The following PLEKHG1 variants were observed in gnomAD, a reference collection of about 807,000 sequenced individuals.
The protein encoded by PLEKHG1 is pleckstrin homology domain-containing family G member 1.
In PLEKHG1, 44 loss-of-function variants were observed where a neutral mutation model predicts 100.8. That is an observed-to-expected ratio of 0.44 (90% confidence interval 0.34 to 0.56). The LOEUF (loss-of-function observed/expected upper bound fraction) is 0.56. Among genes scored for constraint, PLEKHG1 ranks in the 20% least tolerant of loss-of-function variants. The pLI, the probability that PLEKHG1 is intolerant of heterozygous loss-of-function variation, is 0.01. For missense variants in PLEKHG1, 1,545 were observed against 1,720.9 expected, an observed-to-expected ratio of 0.90 and a Z score of 1.81; for synonymous variants, 640 against 662.5, an observed-to-expected ratio of 0.97 and a Z score of 0.52.
At chr6:150,808,785 A>G (rs1007274030) in intron 7 of PLEKHG1, among the ~76,000 whole-genome samples, 1 of 152,098 alleles carries the variant, frequency 6.6e-6, no homozygotes, top group Non-Finnish European at 1.5e-5. Context: ...AAATCAAGGG[A>G]AAGAGGCCAT....
chr6:150,706,998 C>CTTTTTTTTTT, intron 3 of PLEKHG1, among the ~76,000 whole-genome samples: 1 of 51,928 alleles, frequency 1.9e-5, no homozygotes, highest in East Asian at 6.7e-4. Context: ...TTTTCTTTTT[C>CTTTTTTTTTT]TTTTTTTTTT....
chr6:150,759,661 A>G (rs992464284), intron 2 of PLEKHG1, among the ~76,000 whole-genome samples: 2 of 152,154 alleles, frequency 1.3e-5, no homozygotes, highest in South Asian at 2.1e-4. Flanking sequence ...AAATGAGAGA[A>G]TGCATATAAA....
intron 3 of PLEKHG1, among the ~76,000 whole-genome samples, chr6:150,776,000 C>T (rs1784939585): frequency 6.6e-6 from 1 of 152,114 alleles, no homozygotes. Flanking sequence ...AAGTGCTGCT[C>T]AGACCGGAAG....
chr6:150,745,801 C>A (rs570271169), intron 2 of PLEKHG1, among the ~76,000 whole-genome samples: 6 of 151,920 alleles, frequency 3.9e-5, no homozygotes, highest in Non-Finnish European at 8.8e-5. Flanking sequence ...TAGTTTTATA[C>A]ATGACAAATG....
chr6:150,804,850 C>G, intron 7 of PLEKHG1, 109 bp downstream of exon 8: 3 of 958,812 alleles, frequency 3.1e-6, no homozygotes, highest in Non-Finnish European at 4.6e-6. Context: ...TCATCATCTT[C>G]AGTGTAGTTC....
At position 150,756,315 on chromosome 6, in the gene PLEKHG1, T is replaced by C. The variant is rs575891330; in HGVS notation, c.412-12323T>C. On this transcript the variant is annotated intron_variant, in intron 2 of 15. Transcript: ENST00000358517. ...TGCAGATCCTCAAGCCTGTGACTGT[T>C]TCTGGATCAATACATAACTTTTGGT... 5.9e-5 allele frequency among the ~76,000 whole-genome samples: 9 copies of C among 152,278 alleles called. No individual in the cohort carries two copies. The East Asian group carries it at 1.7e-3, about 29-fold the overall frequency.
intron 3 of PLEKHG1, among the ~76,000 whole-genome samples, chr6:150,716,059 G>C (rs1486687083): frequency 1.4e-5 from 2 of 147,564 alleles, no homozygotes; most frequent in East Asian, 4.0e-4. Context: ...AGTGAGCCGA[G>C]ATCGCGCCAC....
At chr6:150,787,327 T>C (rs1460898037) in intron 4 of PLEKHG1, among the ~76,000 whole-genome samples, 1 of 152,226 alleles carries the variant, frequency 6.6e-6, no homozygotes, top group Non-Finnish European at 1.5e-5. Flanking sequence ...TAAATGACAG[T>C]GAGCTCGTGC....
intron 3 of PLEKHG1, chr6:150,651,013 A>G (rs983757539): frequency 3.3e-5 from 5 of 152,194 alleles, no homozygotes; most frequent in African/African-American, 9.7e-5. Flanking sequence ...TGTTTTTCCT[A>G]TACATGCATA....
intron 15 of PLEKHG1, among the ~76,000 whole-genome samples, chr6:150,837,842 A>T (rs1227349365): frequency 6.6e-6 from 1 of 152,248 alleles, no homozygotes; most frequent in African/African-American, 2.4e-5. Context: ...CCTAATTAGT[A>T]TTAAGAGTCT....
chr6:150,782,562 C>T (rs958899241), intron 3 of PLEKHG1, among the ~76,000 whole-genome samples: 3 of 152,170 alleles, frequency 2.0e-5, no homozygotes, highest in Admixed American at 2.0e-4. Flanking sequence ...AAAATACTCC[C>T]TCCTTTTCCA....
At chr6:150,619,225 A>G (rs1456503575) in intron 1 of PLEKHG1, among the ~76,000 whole-genome samples, 1 of 152,172 alleles carries the variant, frequency 6.6e-6, no homozygotes, top group African/African-American at 2.4e-5. Flanking sequence ...GGGCGTTCAA[A>G]GGTCATCTGA....
At chr6:150,834,566 T>C (rs1224055157) in intron 15 of PLEKHG1, among the ~76,000 whole-genome samples, 1 of 152,228 alleles carries the variant, frequency 6.6e-6, no homozygotes, top group Non-Finnish European at 1.5e-5. Flanking sequence ...TACTGAATCA[T>C]TAGGGCCTAC....
intron 3 of PLEKHG1, among the ~76,000 whole-genome samples, chr6:150,774,440 T>C (rs1256044911): frequency 6.6e-6 from 1 of 151,858 alleles, no homozygotes; most frequent in African/African-American, 2.4e-5. Context: ...TAAATATTAA[T>C]AGGGGACCTG....
intron 8 of PLEKHG1, 30 bp from the exon 10 acceptor site, chr6:150,809,351 G>A: frequency 1.9e-6 from 3 of 1,611,750 alleles, no homozygotes; most frequent in Non-Finnish European, 2.5e-6. Flanking sequence ...TCCTGAGTGT[G>A]CCTCACCCTC....
At chr6:150,665,371 C>T (rs1213509812) in intron 3 of PLEKHG1, among the ~76,000 whole-genome samples, 1 of 152,204 alleles carries the variant, frequency 6.6e-6, no homozygotes, top group African/African-American at 2.4e-5. Context: ...TGGCTCACGC[C>T]TGTAATCCCA....
At chr6:150,715,925 G>C (rs1411537236) in intron 3 of PLEKHG1, among the ~76,000 whole-genome samples, 1 of 147,808 alleles carries the variant, frequency 6.8e-6, no homozygotes, top group Non-Finnish European at 1.5e-5. Context: ...TGGCTAACAC[G>C]GTGAAACCCC....
chr6:150,761,099 CTTTTTTTTTTTTTTTTTTTTTTTT>C (rs1301198798), intron 2 of PLEKHG1, among the ~76,000 whole-genome samples: 16 of 95,950 alleles, frequency 1.7e-4, no homozygotes, highest in Non-Finnish European at 2.6e-4. Context: ...TTCTTTTTTT[CTTTTTTTTTTTTTTTTTTTTTTTT>C]GAGACAAAGT....
At chr6:150,652,661 A>G (rs1778797965) in intron 3 of PLEKHG1, among the ~76,000 whole-genome samples, 1 of 151,628 alleles carries the variant, frequency 6.6e-6, no homozygotes, top group Non-Finnish European at 1.5e-5. Context: ...CAGAGGTTGC[A>G]GTGAGCCGAG....
Sources: allele counts gnomAD v4.1 joint callset (sites outside exome capture counted in the v4.1 genomes callset), GRCh38; gene constraint gnomAD v4.1.1; transcripts MANE v1.5; gene names NCBI Gene and HGNC (gene_info 2026-07-23, HGNC 2026-07-21).